DCAF8L2: variants seen among roughly 807,000 people sequenced by gnomAD.
The protein encoded by DCAF8L2 is DDB1- and CUL4-associated factor 8-like protein 2.
For missense variants in DCAF8L2, 430 were observed against 490.7 expected (o/e 0.88, Z 1.17); for synonymous variants, 200 against 190.9 (o/e 1.05, Z -0.39).
chrX:27,505,492 A>G, the DCAF8L2 span, among the ~76,000 whole-genome samples: 1 of 111,917 alleles, frequency 8.9e-6, no homozygotes, highest in Non-Finnish European at 1.9e-5. Context: ...ATTTCTTATT[A>G]TTTATCTTTT....
At chrX:27,516,516 A>G in the DCAF8L2 span, among the ~76,000 whole-genome samples, 1 of 107,098 alleles carries the variant, frequency 9.3e-6, no homozygotes, top group African/African-American at 3.5e-5. Flanking sequence ...TCTCTCTCTT[A>G]TTCTCTCTCT....
chrX:27,556,514 A>G, the DCAF8L2 span, among the ~76,000 whole-genome samples: 1 of 111,945 alleles, frequency 8.9e-6, no homozygotes, highest in Non-Finnish European at 1.9e-5. Context: ...AAAATGGTCT[A>G]GTTGTTTGTG....
At chrX:27,678,587 G>C (rs1569180080) in intron 3 of DCAF8L2, among the ~76,000 whole-genome samples, 1 of 112,192 alleles carries the variant, frequency 8.9e-6, no homozygotes, top group African/African-American at 3.2e-5. Flanking sequence ...AAATAAGCTA[G>C]ACACTAAAGA....
the DCAF8L2 span, among the ~76,000 whole-genome samples, chrX:27,528,141 A>C: frequency 9.6e-6 from 1 of 104,419 alleles, no homozygotes; most frequent in Non-Finnish European, 2.0e-5. Context: ...TTAAATTATT[A>C]AATTGTGGTT....
At chrX:27,623,198 A>T (rs1927860607) in intron 1 of DCAF8L2, among the ~76,000 whole-genome samples, 1 of 111,393 alleles carries the variant, frequency 9.0e-6, no homozygotes, top group African/African-American at 3.3e-5. Flanking sequence ...TCACAGTAAG[A>T]AGAGAGAGTT....
intron 1 of DCAF8L2, among the ~76,000 whole-genome samples, chrX:27,619,922 C>A (rs1477426828): frequency 9.0e-6 from 1 of 111,164 alleles, no homozygotes; most frequent in Non-Finnish European, 1.9e-5. Flanking sequence ...GGATTAATGT[C>A]TTAATAAATA....
chrX:27,557,919 G>C, the DCAF8L2 span, among the ~76,000 whole-genome samples: 1 of 111,600 alleles, frequency 9.0e-6, no homozygotes, highest in South Asian at 3.8e-4. Flanking sequence ...GAGGAACTTA[G>C]ATGAAGGAGG....
the DCAF8L2 span, among the ~76,000 whole-genome samples, chrX:27,554,217 G>A: frequency 2.7e-5 from 3 of 111,931 alleles, no homozygotes; most frequent in African/African-American, 9.7e-5. Context: ...AAAGGATGAA[G>A]GTGATCAATT....
At chrX:27,687,238 G>A (rs1602735721) in intron 3 of DCAF8L2, among the ~76,000 whole-genome samples, 1 of 111,876 alleles carries the variant, frequency 8.9e-6, no homozygotes. Context: ...TTGCACAGAG[G>A]GAAAATGACT....
the DCAF8L2 span, among the ~76,000 whole-genome samples, chrX:27,528,382 A>G: frequency 1.9e-5 from 2 of 105,748 alleles, no homozygotes; most frequent in African/African-American, 6.8e-5. Context: ...ATTAATTTCG[A>G]CAATATTCTT....
chrX:27,616,017 A>T (rs182079954), intron 1 of DCAF8L2, among the ~76,000 whole-genome samples: 4,006 of 111,212 alleles, frequency 0.036, 171 homozygotes, highest in African/African-American at 0.12. Flanking sequence ...TAACTAAGAC[A>T]TTTAAATTTT....
chrX:27,658,924 T>C (rs1929452616), intron 2 of DCAF8L2, among the ~76,000 whole-genome samples: 1 of 112,347 alleles, frequency 8.9e-6, no homozygotes, highest in Non-Finnish European at 1.9e-5. Flanking sequence ...CGTCATTAAC[T>C]GATGGATTAA....
intron 4 of DCAF8L2, among the ~76,000 whole-genome samples, chrX:27,720,219 C>A (rs1051360018): frequency 4.5e-5 from 5 of 111,377 alleles, no homozygotes; most frequent in Admixed American, 9.6e-5. Flanking sequence ...TTTCTGGAAT[C>A]TTGACTTTGT....
chrX:27,577,414 A>G, the DCAF8L2 span, among the ~76,000 whole-genome samples: 10 of 111,944 alleles, frequency 8.9e-5, no homozygotes, highest in African/African-American at 3.2e-4. Flanking sequence ...TTGGCTCTGC[A>G]TTCTTCCTTC....
the DCAF8L2 span, among the ~76,000 whole-genome samples, chrX:27,472,616 T>A: frequency 9.0e-6 from 1 of 111,305 alleles, no homozygotes; most frequent in Non-Finnish European, 1.9e-5. Flanking sequence ...TTGTTCAGCT[T>A]CCACTTATGA....
chrX:27,722,065 A>G (rs994190561), intron 4 of DCAF8L2, among the ~76,000 whole-genome samples: 1 of 111,722 alleles, frequency 9.0e-6, no homozygotes, highest in African/African-American at 3.2e-5. Flanking sequence ...TAACCTGAAA[A>G]ATGCACAAAA....
chrX:27,608,663 G>C (rs189128908), intron 1 of DCAF8L2, among the ~76,000 whole-genome samples: 2 of 110,068 alleles, frequency 1.8e-5, no homozygotes, highest in Non-Finnish European at 3.8e-5. Context: ...TTTTTTCTGC[G>C]TCTCTATCTT....
intron 2 of DCAF8L2, among the ~76,000 whole-genome samples, chrX:27,660,103 A>T (rs1305344797): frequency 9.1e-6 from 1 of 110,143 alleles, no homozygotes; most frequent in Non-Finnish European, 1.9e-5. Flanking sequence ...GCTCACTGCA[A>T]CCTCCGCCTC....
At chrX:27,743,698 A>ATTATTTATTTAT (rs750649421) in intron 4 of DCAF8L2, among the ~76,000 whole-genome samples, 3 of 86,787 alleles carry the variant, frequency 3.5e-5, no homozygotes, top group African/African-American at 4.5e-5. Context: ...CCTGGCTTTT[A>ATTATTTATTTAT]TTATTTATTT....
Sources: allele counts gnomAD v4.1 joint callset (sites outside exome capture counted in the v4.1 genomes callset), GRCh38; gene constraint gnomAD v4.1.1; transcripts MANE v1.5; gene names NCBI Gene and HGNC (gene_info 2026-07-23, HGNC 2026-07-21).